PDE2A: variants seen among roughly 807,000 people sequenced by gnomAD.
PDE2A encodes the protein phosphodiesterase 2A, also known as cGMP-dependent 3',5'-cyclic phosphodiesterase.
In PDE2A, 53 loss-of-function variants were observed where a neutral mutation model predicts 133.6. The ratio of observed to expected loss-of-function variants is 0.40; its 90% CI spans 0.32 to 0.50. The LOEUF (loss-of-function observed/expected upper bound fraction) is 0.50. Ranked by LOEUF, PDE2A falls within the 20% of genes least tolerant of loss-of-function variation. PDE2A has a pLI of 0.73. For missense variants in PDE2A, 796 were observed against 1,232.4 expected, an observed-to-expected ratio of 0.65 and a Z score of 5.30; for synonymous variants, 491 against 490.2, an observed-to-expected ratio of 1.00 and a Z score of -0.02.
chr11:72,635,455 G>A (rs1257967195), intron 2 of PDE2A, among the ~76,000 whole-genome samples: 1 of 152,154 alleles, frequency 6.6e-6, no homozygotes, highest in Non-Finnish European at 1.5e-5. Flanking sequence ...TAGAATCCTA[G>A]ATTCACAGAA....
At chr11:72,662,887 G>A (rs972164042) in intron 1 of PDE2A, among the ~76,000 whole-genome samples, 4 of 152,040 alleles carry the variant, frequency 2.6e-5, no homozygotes, top group Admixed American at 6.5e-5. Context: ...TTCCCTTTGT[G>A]AGCTGGGCCT....
At chr11:72,665,042 G>A (rs960293665) in intron 1 of PDE2A, among the ~76,000 whole-genome samples, 1 of 152,018 alleles carries the variant, frequency 6.6e-6, no homozygotes, top group Non-Finnish European at 1.5e-5. Flanking sequence ...CCAACCTCAG[G>A]TGATCCACCC....
Position 72,578,306 on chromosome 11 carries a change from T to C in PDE2A, c.2542A>G (p.Met848Val). 1 of 1,613,926 alleles carries C rather than the reference T, an allele frequency of 6.2e-7. No homozygotes were observed. The highest frequency in any genetic ancestry group is 8.5e-7 in the Non-Finnish European group (1 of 1,179,856). ...GGGATATAGGCCTTCTCCCGGTCCA[T>C]CATCTCCATCGGCCTGTTGCCCATG... ...KAMGNRPMEM[M>V]DREKAYIPEL... The change falls in exon 30 of 31, where the codon ATG (methionine) becomes GTG (valine). Residue 848 changes from methionine (M) to valine (V), a missense_variant. Coordinates refer to ENST00000334456, the MANE Select transcript of PDE2A (RefSeq NM_002599.5). This position sits in a 1 kb window ranked among gnomAD's most constrained non-coding sequence, Gnocchi z 4.2.
intron 2 of PDE2A, among the ~76,000 whole-genome samples, chr11:72,622,002 A>G (rs568213095): frequency 3.0e-4 from 46 of 152,344 alleles, no homozygotes; most frequent in Non-Finnish European, 5.6e-4. Context: ...TAACAACAAA[A>G]AAGCAAACAA....
chr11:72,634,577 A>G (rs1858587830), intron 2 of PDE2A, among the ~76,000 whole-genome samples: 1 of 152,194 alleles, frequency 6.6e-6, no homozygotes, highest in Non-Finnish European at 1.5e-5. Flanking sequence ...AGGATCCATC[A>G]GGGATGGGCA....
chr11:72,578,414 T>C lies in PDE2A; in HGVS notation c.2508+62A>G. On this transcript the variant is annotated intron_variant, in intron 29 of 30. Coordinates refer to ENST00000334456, the MANE Select transcript of PDE2A (RefSeq NM_002599.5). The surrounding 1 kb of genome is among the most constrained non-coding windows in gnomAD (Gnocchi z 4.2). ...ACCAGGGTCAGGCTAGTTCAAGCCC[T>C]CCCTGTCCCAGGCCAGGAACCCTCC... 3 of 1,582,248 alleles carry C rather than the reference T, an allele frequency of 1.9e-6. No homozygotes were observed. The highest frequency in any genetic ancestry group is 2.6e-6 in the Non-Finnish European group (3 of 1,151,024).
In PDE2A at chr11:72,578,549, TAG is replaced by T; in HGVS notation, c.2470-37_2470-36del. On this transcript the variant is annotated intron_variant, in intron 28 of 30. Transcript: ENST00000334456. This position sits in a 1 kb window ranked among gnomAD's most constrained non-coding sequence, Gnocchi z 4.2. Reference sequence around the variant, plus strand: ...CAACACTCTCATCACATCCTCTATGTAGGATACATCCACCCAAGCTCCTCTGA... The same window carrying T: ...CAACACTCTCATCACATCCTCTATGTGATACATCCACCCAAGCTCCTCTGA... 1 of 1,571,154 alleles carries T rather than the reference TAG, an allele frequency of 6.4e-7. No individual in the cohort carries two copies. Among genetic ancestry groups the T allele is most frequent in the East Asian group, 2.2e-5 (1 of 44,684 alleles).
At chr11:72,613,859 A>G (rs1857335230) in intron 2 of PDE2A, among the ~76,000 whole-genome samples, 1 of 152,080 alleles carries the variant, frequency 6.6e-6, no homozygotes, top group Non-Finnish European at 1.5e-5. Flanking sequence ...GGCAATATAC[A>G]CAGCCTCTTA....
intron 6 of PDE2A, among the ~76,000 whole-genome samples, chr11:72,595,815 G>A (rs1255882501): frequency 6.6e-6 from 1 of 152,084 alleles, no homozygotes; most frequent in Non-Finnish European, 1.5e-5. Context: ...GAGAAGAAAC[G>A]GAAAGAGCGG....
chr11:72,656,011 C>T (rs893654611), intron 1 of PDE2A, among the ~76,000 whole-genome samples: 4 of 152,160 alleles, frequency 2.6e-5, no homozygotes, highest in Admixed American at 1.3e-4. Context: ...GATGGCTTGG[C>T]GGCCACCAGG....
At position 72,586,166 on chromosome 11, in the gene PDE2A, G is replaced by C; in HGVS notation, c.1086C>G (p.Asp362Glu). 2 of 1,609,010 alleles carry C rather than the reference G, an allele frequency of 1.2e-6. No homozygotes were observed. The highest frequency in any genetic ancestry group is 1.7e-6 in the Non-Finnish European group (2 of 1,176,454). The change falls in exon 14 of 31, where the codon GAC becomes GAG. Residue 362 changes from aspartate (D) to glutamate (E), a missense_variant. Asp to Glu is a conservative substitution (Grantham distance 45). Coordinates refer to ENST00000334456, the MANE Select transcript of PDE2A (RefSeq NM_002599.5). ...KLEGDLFTDE[D>E]EHVIQHCFHY... ...GGAAGCAGTGCTGGATCACATGCTC[G>C]TCCTCGTCGGTGAACCTGGAGGAGG...
At position 72,582,220 on chromosome 11, in the gene PDE2A, G is replaced by T. The variant is rs977561682; in HGVS notation, c.1851+224C>A. ...CCTGAGGTCACATGCCCTGGGCATGGTTGGTCCAAGAGCAGCCCTTGGGAT... is the reference window on the plus strand; with the variant it reads ...CCTGAGGTCACATGCCCTGGGCATGTTTGGTCCAAGAGCAGCCCTTGGGAT... On this transcript the variant is annotated intron_variant, in intron 21 of 30. Transcript: ENST00000334456. 1.5e-5 allele frequency: 9 copies of T among 612,288 alleles called. No individual in the cohort carries two copies. In the African/African-American group the frequency reaches 1.7e-4, roughly 11 times the overall value. The allele number at this position is 612,288 out of a possible 1,614,324, so 37.9% of individuals were successfully genotyped here.
At chr11:72,599,269 C>A (rs1565161310) in intron 4 of PDE2A, among the ~76,000 whole-genome samples, 2 of 152,040 alleles carry the variant, frequency 1.3e-5, no homozygotes, top group East Asian at 3.9e-4. Flanking sequence ...TGCACAAAAC[C>A]CCTCCTCTGT....
At chr11:72,673,235 T>C (rs1000219799) in intron 1 of PDE2A, among the ~76,000 whole-genome samples, 1 of 152,074 alleles carries the variant, frequency 6.6e-6, no homozygotes, top group African/African-American at 2.4e-5. Context: ...CCTACATACA[T>C]ATGCAGACCA....
At chr11:72,637,430 C>T (rs1858750110) in intron 2 of PDE2A, among the ~76,000 whole-genome samples, 1 of 152,264 alleles carries the variant, frequency 6.6e-6, no homozygotes, top group Non-Finnish European at 1.5e-5. Flanking sequence ...GGGCACATAG[C>T]AGGTGTTCAC....
At chr11:72,645,036 T>C (rs934461724) in intron 1 of PDE2A, among the ~76,000 whole-genome samples, 2 of 152,244 alleles carry the variant, frequency 1.3e-5, no homozygotes, top group African/African-American at 4.8e-5. Context: ...ATTACAGGTG[T>C]GAGCCACTGC....
intron 19 of PDE2A, 34 bp downstream of exon 19, chr11:72,584,167 T>TCACCCCC (rs1418054777): frequency 3.1e-5 from 17 of 554,848 alleles, no homozygotes; most frequent in East Asian, 8.2e-5. Context: ...CCGCCCCCTA[T>TCACCCCC]CACCCCACAC....
chr11:72,668,445 A>C (rs949403719), intron 1 of PDE2A: 1 of 715,194 alleles, frequency 1.4e-6, no homozygotes, highest in South Asian at 1.5e-5. Flanking sequence ...ACATGTGAGA[A>C]GTCGTAATTA....
At chr11:72,585,220 G>A (rs1014326197) in intron 16 of PDE2A, 151 bp downstream of exon 16, 2 of 727,562 alleles carry the variant, frequency 2.7e-6, no homozygotes, top group Admixed American at 2.1e-5. Flanking sequence ...ACAGTCTAGC[G>A]AGGGAGACAG....
Sources: gnomAD v4.1 joint callset for allele counts (sites outside exome capture counted in the v4.1 genomes callset) on GRCh38, gnomAD v4.1.1 for gene constraint, Gnocchi (gnomAD v3.1) non-coding constraint, MANE v1.5 for transcripts, NCBI Gene and HGNC (gene_info 2026-07-23, HGNC 2026-07-21) for gene names.